SORCS1: variants seen among roughly 807,000 people sequenced by gnomAD.
The protein encoded by SORCS1 is sortilin related VPS10 domain containing receptor 1.
In SORCS1, 60 loss-of-function variants were observed where a neutral mutation model predicts 146.1. The observed-to-expected ratio is 0.41, with a 90% CI of 0.33 to 0.51. The LOEUF is 0.51. Ranked by LOEUF, SORCS1 falls within the 20% of genes least tolerant of loss-of-function variation. The pLI is 0.21. For synonymous variants in SORCS1, 637 were observed against 584.0 expected (o/e 1.09, Z -1.31); for missense variants, 1,352 against 1,487.6 (o/e 0.91, Z 1.50).
At chr10:106,642,334 T>G (rs1337671742) in intron 18 of SORCS1, among the ~76,000 whole-genome samples, 1 of 152,242 alleles carries the variant, frequency 6.6e-6, no homozygotes, top group Non-Finnish European at 1.5e-5. Flanking sequence ...CACACTGTGA[T>G]GTCATATAAG....
At chr10:106,895,516 C>T (rs1166729645) in intron 2 of SORCS1, among the ~76,000 whole-genome samples, 4 of 152,158 alleles carry the variant, frequency 2.6e-5, no homozygotes, top group African/African-American at 9.7e-5. Flanking sequence ...GAGGCTGAGG[C>T]AGGTGAATCG....
chr10:107,083,055 G>A (rs894080041), intron 1 of SORCS1, among the ~76,000 whole-genome samples: 5 of 143,790 alleles, frequency 3.5e-5, no homozygotes, highest in Admixed American at 1.5e-4. Context: ...CTTGCAGTGA[G>A]CCATGATCGC....
At chr10:106,605,118 A>C (rs2133368576) in intron 23 of SORCS1, among the ~76,000 whole-genome samples, 1 of 152,382 alleles carries the variant, frequency 6.6e-6, no homozygotes, top group Admixed American at 6.5e-5. Context: ...CAAGCTAGTT[A>C]GTTTCAGATC....
rs992204555 is a variant in SORCS1, at chr10:107,164,253, C to A, written c.274G>T (p.Ala92Ser). 6 of 1,605,740 alleles carry A rather than the reference C, an allele frequency of 3.7e-6. No individual in the cohort carries two copies. The highest frequency in any genetic ancestry group is 5.1e-6 in the Non-Finnish European group (6 of 1,179,444). The change falls in exon 1 of 26, where the codon GCT (alanine) becomes TCT (serine). Residue 92 changes from alanine to serine, a missense_variant. Ala to Ser is a moderately conservative substitution (Grantham distance 99). Around this residue, in one of 3 missense-constraint regions of SORCS1, gnomAD observed 490 missense variants for 489.1 expected, o/e 1.00. Coordinates refer to ENST00000263054, the MANE Select transcript of SORCS1 (RefSeq NM_052918.5). The surrounding 1 kb of genome is among the most constrained non-coding windows in gnomAD (Gnocchi z 6.8). Reference sequence around the variant, plus strand: ...GCCATGGATGCCCCAGTGCCCCGAGCCCGCTCCAGGGATAGCGCTCGGTCC... The same window carrying A: ...GCCATGGATGCCCCAGTGCCCCGAGACCGCTCCAGGGATAGCGCTCGGTCC... ...PGDRALSLER[A>S]RGTGASMAVA...
At chr10:106,640,223 C>T (rs1420226673) in intron 18 of SORCS1, among the ~76,000 whole-genome samples, 2 of 152,180 alleles carry the variant, frequency 1.3e-5, no homozygotes, top group African/African-American at 2.4e-5. Flanking sequence ...CAGCATCCTG[C>T]AATACTTATG....
chr10:107,176,816 A>G, the SORCS1 span, among the ~76,000 whole-genome samples: 1 of 151,820 alleles, frequency 6.6e-6, no homozygotes, highest in East Asian at 1.9e-4. Flanking sequence ...TGTAATATTT[A>G]CCCTTAGTGT....
chr10:106,702,107 T>C (rs918423740), intron 8 of SORCS1, among the ~76,000 whole-genome samples: 2 of 152,238 alleles, frequency 1.3e-5, no homozygotes, highest in African/African-American at 4.8e-5. Context: ...GGAGAAGCTA[T>C]ACCCAAGTGT....
chr10:106,967,131 A>C, intron 1 of SORCS1, among the ~76,000 whole-genome samples: 2 of 148,284 alleles, frequency 1.3e-5, no homozygotes, highest in Admixed American at 6.7e-5. Flanking sequence ...AAAAAAATGC[A>C]CTCCCTCCAA....
At chr10:107,032,485 T>C (rs1025272961) in intron 1 of SORCS1, among the ~76,000 whole-genome samples, 6 of 152,192 alleles carry the variant, frequency 3.9e-5, no homozygotes, top group Admixed American at 3.9e-4. Context: ...TCCTAGAGTT[T>C]CTGTTTTCTG....
intron 2 of SORCS1, among the ~76,000 whole-genome samples, chr10:106,918,531 T>A (rs1324156649): frequency 6.6e-6 from 1 of 151,764 alleles, no homozygotes; most frequent in East Asian, 1.9e-4. Flanking sequence ...TCACATACAA[T>A]GTCTCACCAA....
At chr10:106,735,895 A>T (rs1434202515) in intron 5 of SORCS1, among the ~76,000 whole-genome samples, 1 of 152,228 alleles carries the variant, frequency 6.6e-6, no homozygotes, top group African/African-American at 2.4e-5. Context: ...GAAGTTGCAC[A>T]GGTCATCTAG....
chr10:106,905,403 G>T (rs1251291344), intron 2 of SORCS1, among the ~76,000 whole-genome samples: 2 of 152,000 alleles, frequency 1.3e-5, no homozygotes, highest in Non-Finnish European at 1.5e-5. Flanking sequence ...TAAGAAAAAA[G>T]ATATTGCCAA....
At chr10:107,047,633 C>CCA (rs1037259269) in intron 1 of SORCS1, among the ~76,000 whole-genome samples, 25 of 152,266 alleles carry the variant, frequency 1.6e-4, no homozygotes, top group African/African-American at 5.5e-4. Context: ...CAGGCTAACT[C>CCA]CACACTCTGT....
intron 3 of SORCS1, among the ~76,000 whole-genome samples, chr10:106,803,103 A>G (rs1207072147): frequency 6.6e-6 from 1 of 152,150 alleles, no homozygotes; most frequent in Non-Finnish European, 1.5e-5. Context: ...TCTGTAACAT[A>G]TGTTGACACG....
intron 1 of SORCS1, among the ~76,000 whole-genome samples, chr10:107,025,577 G>A (rs1245857310): frequency 6.6e-6 from 1 of 152,186 alleles, no homozygotes; most frequent in Non-Finnish European, 1.5e-5. Context: ...CAGATACACT[G>A]GATACAAGCC....
intron 6 of SORCS1, among the ~76,000 whole-genome samples, chr10:106,713,636 C>T (rs1412296433): frequency 1.3e-5 from 2 of 152,150 alleles, no homozygotes; most frequent in Non-Finnish European, 2.9e-5. Context: ...TTAGTCTTCA[C>T]AACACTGCAG....
At chr10:106,826,984 T>A (rs1948333707) in intron 3 of SORCS1, among the ~76,000 whole-genome samples, 1 of 152,184 alleles carries the variant, frequency 6.6e-6, no homozygotes, top group African/African-American at 2.4e-5. Flanking sequence ...ATGGACTAAT[T>A]ATGCAGCCTG....
At chr10:106,794,849 C>T (rs1263427531) in intron 3 of SORCS1, among the ~76,000 whole-genome samples, 1 of 152,114 alleles carries the variant, frequency 6.6e-6, no homozygotes, top group Non-Finnish European at 1.5e-5. Flanking sequence ...TTCATAGACT[C>T]CCTAGTCACT....
intron 3 of SORCS1, among the ~76,000 whole-genome samples, chr10:106,787,144 C>G (rs905447095): frequency 2.6e-5 from 4 of 152,092 alleles, no homozygotes; most frequent in African/African-American, 9.7e-5. Flanking sequence ...ATTATAATCC[C>G]CTCATTTAAT....
Sources: gnomAD v4.1 joint callset for allele counts (sites outside exome capture counted in the v4.1 genomes callset) on GRCh38, gnomAD v4.1.1 for gene constraint, gnomAD v4.1.1 regional missense constraint, Gnocchi (gnomAD v3.1) non-coding constraint, MANE v1.5 for transcripts, NCBI Gene and HGNC (gene_info 2026-07-23, HGNC 2026-07-21) for gene names.